The following DCP2 variants were observed in gnomAD, a reference collection of about 807,000 sequenced individuals.
DCP2 encodes m7GpppN-mRNA hydrolase.
Under a neutral mutation model 56.1 loss-of-function variants are expected in DCP2, and 30 were observed. The ratio of observed to expected loss-of-function variants is 0.53; its 90% CI spans 0.40 to 0.73. The LOEUF (loss-of-function observed/expected upper bound fraction) is 0.73. Among genes scored for constraint, DCP2 ranks in the 30% least tolerant of loss-of-function variants. The pLI is 0.00. For missense variants in DCP2, 533 were observed against 502.7 expected, an observed-to-expected ratio of 1.06 and a Z score of -0.58; for synonymous variants, 197 against 163.3, an observed-to-expected ratio of 1.21 and a Z score of -1.57.
In DCP2 at chr5:113,021,828, C is replaced by T. The variant is rs1320930394; in HGVS notation, c.*8344C>T. Reference sequence around the variant, plus strand: ...TCCTTGCATTTCCAGTCCTTGATTACATTCCATTTTAATGATCTTTCTTTA... The same window carrying T: ...TCCTTGCATTTCCAGTCCTTGATTATATTCCATTTTAATGATCTTTCTTTA... On this transcript the variant is annotated 3_prime_UTR_variant, in exon 11 of 11. Coordinates refer to ENST00000389063, the MANE Select transcript of DCP2 (RefSeq NM_152624.6). Among the ~76,000 whole-genome samples, 1 of 152,190 alleles carries T rather than the reference C, an allele frequency of 6.6e-6. No homozygotes were observed. Among genetic ancestry groups the T allele is most frequent in the Non-Finnish European group, 1.5e-5 (1 of 68,028 alleles).
At chr5:112,987,959 A>G (rs1282473519) in intron 2 of DCP2, among the ~76,000 whole-genome samples, 9 of 152,080 alleles carry the variant, frequency 5.9e-5, no homozygotes, top group Non-Finnish European at 1.3e-4. Context: ...TGTATGTTTA[A>G]TGGATTTGTA....
rs1461830718 is a variant in DCP2, at chr5:113,021,759, G to T, written c.*8275G>T. On this transcript the variant is annotated 3_prime_UTR_variant, in exon 11 of 11. Transcript: ENST00000389063. ...AGAACATTGTAATCTTTCTCTAACA[G>T]ATGTGTTGCAAAGCTGCTTGCCATC... 3.3e-5 allele frequency among the ~76,000 whole-genome samples: 5 copies of T among 151,970 alleles called. No homozygotes were observed. Among genetic ancestry groups the T allele is most frequent in the Non-Finnish European group, 7.3e-5 (5 of 68,040 alleles).
chr5:112,981,517 T>C (rs1748002485), intron 1 of DCP2, among the ~76,000 whole-genome samples: 1 of 152,204 alleles, frequency 6.6e-6, no homozygotes, highest in Non-Finnish European at 1.5e-5. Context: ...TGCTATTTGT[T>C]GATTGTAAAA....
At chr5:112,996,540 A>G (rs528467765) in intron 4 of DCP2, among the ~76,000 whole-genome samples, 2 of 152,330 alleles carry the variant, frequency 1.3e-5, no homozygotes, top group East Asian at 1.9e-4. Flanking sequence ...TTATTTTAGT[A>G]TAATTGGCAT....
At chr5:113,008,496 C>G (rs1749542394) in intron 9 of DCP2, among the ~76,000 whole-genome samples, 1 of 151,920 alleles carries the variant, frequency 6.6e-6, no homozygotes, top group Admixed American at 6.6e-5. Context: ...TTCTTTCATT[C>G]TTTTGTTTAG....
chr5:112,999,431 T>G (rs1181253828), intron 4 of DCP2, among the ~76,000 whole-genome samples: 3 of 151,840 alleles, frequency 2.0e-5, no homozygotes, highest in Admixed American at 2.0e-4. Flanking sequence ...GGGGTTCAAG[T>G]GATTCTCCTG....
In DCP2 at chr5:112,985,930, A is replaced by G. The variant is rs1347122232; in HGVS notation, c.149A>G (p.Tyr50Cys). The G allele has an allele frequency of 2.5e-6, 4 of 1,606,528 alleles. No individual in the cohort carries two copies. Among genetic ancestry groups the G allele is most frequent in the African/African-American group, 1.3e-5 (1 of 74,992 alleles). The stretch of plus-strand genomic sequence containing the variant: ...GCCCATTGGTTTTACTTGGATTTCT[A>G]CATGCAGAACACACCAGGATTACCT... The part of the protein sequence containing the change: ...ELAHWFYLDF[Y>C]MQNTPGLPQC... The change falls in exon 2 of 11, where the codon TAC becomes TGC. Residue 50 changes from tyrosine (Y) to cysteine (C), a missense_variant. Physicochemically the swap from Tyr to Cys is radical, Grantham distance 194. Transcript: ENST00000389063.
At chr5:112,999,894 C>T (rs986618877) in intron 4 of DCP2, among the ~76,000 whole-genome samples, 1 of 151,472 alleles carries the variant, frequency 6.6e-6, no homozygotes, top group African/African-American at 2.4e-5. Flanking sequence ...AACCCTGTCT[C>T]TACTAAAAAT....
intron 1 of DCP2, 47 bp from the exon 2 acceptor site, chr5:112,985,788 G>A (rs759680305): frequency 4.4e-6 from 7 of 1,579,670 alleles, no homozygotes; most frequent in Non-Finnish European, 6.1e-6. Context: ...AAGATAAATC[G>A]TTATAGTTTG....
intron 1 of DCP2, chr5:112,984,695 A>ATATATATATATATATATATATATAT (rs1332407058): frequency 7.9e-5 from 6 of 75,728 alleles, no homozygotes; most frequent in East Asian, 3.5e-4. Flanking sequence ...TTAAAAAAAA[A>ATATATATATATATATATATATATAT]AAAAAAAAAT....
Position 113,015,964 on chromosome 5 carries a change from AGTTG to A in DCP2, c.*2484_*2487del, listed in dbSNP as rs1210359973. 1 of 152,654 alleles carries A rather than the reference AGTTG, an allele frequency of 6.6e-6. No individual in the cohort carries two copies. The highest frequency in any genetic ancestry group is 6.5e-5 in the Admixed American group (1 of 15,284). The allele number at this position is 152,654 out of a possible 1,614,324, so 9.5% of individuals were successfully genotyped here. A position where few individuals can be genotyped will look rare whatever the true frequency, so the allele number is the denominator to read the frequency against. On this transcript the variant is annotated 3_prime_UTR_variant, in exon 11 of 11. Coordinates refer to ENST00000389063, the MANE Select transcript of DCP2 (RefSeq NM_152624.6). Reference sequence around the variant, plus strand: ...TTTTAAGATGCTAGATGAGAAGAGTAGTTGGTTTTGCTTCATTATGTTTTATGTC... The same window carrying A: ...TTTTAAGATGCTAGATGAGAAGAGTAGTTTTGCTTCATTATGTTTTATGTC...
chr5:112,976,994 G>T lies in DCP2; in HGVS notation c.53+8G>T. 1 of 1,538,408 alleles carries T rather than the reference G, an allele frequency of 6.5e-7. No individual in the cohort carries two copies. The highest frequency in any genetic ancestry group is 1.4e-5 in the African/African-American group (1 of 72,496). On this transcript the variant is annotated splice_region_variant and intron_variant, in intron 1 of 10. Transcript: ENST00000389063. ...CCTGGACGATCTCTGCAGGTACCGCGCTACCCGACCCCCTTTCGCCCCCGT... is the reference window on the plus strand; with the variant it reads ...CCTGGACGATCTCTGCAGGTACCGCTCTACCCGACCCCCTTTCGCCCCCGT...
intron 4 of DCP2, among the ~76,000 whole-genome samples, chr5:112,993,274 A>C (rs778098730): frequency 1.3e-5 from 2 of 152,174 alleles, no homozygotes; most frequent in African/African-American, 4.8e-5. Context: ...TGAATTTATC[A>C]TATTTTCAGT....
intron 1 of DCP2, among the ~76,000 whole-genome samples, chr5:112,983,292 C>A (rs974738055): frequency 6.6e-6 from 1 of 152,194 alleles, no homozygotes; most frequent in African/African-American, 2.4e-5. Context: ...CCCCACAAGT[C>A]CCTAAGGCAA....
chr5:112,993,636 A>C (rs903659088), intron 4 of DCP2, among the ~76,000 whole-genome samples: 6 of 134,794 alleles, frequency 4.5e-5, no homozygotes, highest in African/African-American at 1.5e-4. Flanking sequence ...AAAAAAAAAA[A>C]AAACCAAAAA....
chr5:113,004,279 G>GA (rs754815306), intron 8 of DCP2, among the ~76,000 whole-genome samples: 6 of 152,152 alleles, frequency 3.9e-5, no homozygotes, highest in Non-Finnish European at 7.3e-5. Flanking sequence ...TTAATAATAA[G>GA]AATTAGCATC....
chr5:112,978,289 T>A (rs1429220856), intron 1 of DCP2, among the ~76,000 whole-genome samples: 1 of 152,234 alleles, frequency 6.6e-6, no homozygotes, highest in East Asian at 1.9e-4. Context: ...GTTTCTACTG[T>A]GCACCAGGCA....
rs556228641 is a variant in DCP2 at position 113,020,729 on chromosome 5, G to A, written c.*7245G>A. 6.6e-6 allele frequency: 1 copy of A among 152,280 alleles called. No individual in the cohort carries two copies. Among genetic ancestry groups the A allele is most frequent in the South Asian group, 2.1e-4 (1 of 4,824 alleles). 9.4% of individuals were successfully genotyped at this position (152,280 alleles called of 1,614,324 possible). A position where few individuals can be genotyped will look rare whatever the true frequency, so the allele number is the denominator to read the frequency against. On this transcript the variant is annotated 3_prime_UTR_variant, in exon 11 of 11. Coordinates refer to ENST00000389063, the MANE Select transcript of DCP2 (RefSeq NM_152624.6). ...CCCACTAGAATGTCAGCTGTACTCT[G>A]TACTCTCCACTGAGAAAATGAACAA...
chr5:112,986,044 A>G (rs536146785), intron 2 of DCP2, 58 bp downstream of exon 2: 344 of 1,451,504 alleles, frequency 2.4e-4, no homozygotes, highest in Non-Finnish European at 3.0e-4. Context: ...TTTTAGCACA[A>G]ATTTCTTTTT....
Sources: allele counts gnomAD v4.1 joint callset (sites outside exome capture counted in the v4.1 genomes callset), GRCh38; gene constraint gnomAD v4.1.1; transcripts MANE v1.5; gene names NCBI Gene and HGNC (gene_info 2026-07-23, HGNC 2026-07-21).